CSTPP1: variants seen among roughly 807,000 people sequenced by gnomAD.
CSTPP1 encodes the protein centriolar satellite-associated tubulin polyglutamylase complex regulator 1, also known as UPF0705 protein C11orf49.
the CSTPP1 span, among the ~76,000 whole-genome samples, chr11:47,016,387 C>A: frequency 3.3e-5 from 3 of 89,910 alleles, no homozygotes; most frequent in Non-Finnish European, 4.6e-5. Flanking sequence ...CCTATGGAAT[C>A]TACAAAAAAC....
chr11:46,942,002 C>G, the CSTPP1 span, among the ~76,000 whole-genome samples: 3 of 152,158 alleles, frequency 2.0e-5, no homozygotes, highest in Non-Finnish European at 4.4e-5. Flanking sequence ...ATTTACCTTT[C>G]TGACTATTAG....
the CSTPP1 span, among the ~76,000 whole-genome samples, chr11:46,965,977 A>G: frequency 2.6e-5 from 4 of 152,186 alleles, no homozygotes; most frequent in African/African-American, 9.6e-5. Flanking sequence ...CCAAATGTGT[A>G]TTTCATGATA....
the CSTPP1 span, chr11:46,987,218 T>A: frequency 6.2e-7 from 1 of 1,614,118 alleles, no homozygotes. Context: ...CTCAGCGACA[T>A]GTCCTCACCT....
the CSTPP1 span, among the ~76,000 whole-genome samples, chr11:46,944,251 G>T: frequency 7.3e-6 from 1 of 136,766 alleles, no homozygotes; most frequent in Non-Finnish European, 1.6e-5. Context: ...CCGGGAGGAG[G>T]AGGCTGCAGT....
At chr11:47,065,309 T>C in the CSTPP1 span, among the ~76,000 whole-genome samples, 1 of 151,034 alleles carries the variant, frequency 6.6e-6, no homozygotes, top group Admixed American at 6.6e-5. Flanking sequence ...TCAGTTTCTT[T>C]CAGCAATTTT....
At chr11:47,132,129 G>A in the CSTPP1 span, among the ~76,000 whole-genome samples, 1,139 of 152,266 alleles carry the variant, frequency 7.5e-3, 14 homozygotes, top group African/African-American at 0.026. Context: ...TACCTAGCAC[G>A]TAGGGGATTT....
chr11:47,161,008 T>C, the CSTPP1 span: 1 of 1,321,532 alleles, frequency 7.6e-7, no homozygotes, highest in Middle Eastern at 1.9e-4. Flanking sequence ...CTCAGATCTT[T>C]AGATCGGCCC....
At chr11:46,973,117 A>C in the CSTPP1 span, among the ~76,000 whole-genome samples, 1 of 152,202 alleles carries the variant, frequency 6.6e-6, no homozygotes, top group African/African-American at 2.4e-5. Flanking sequence ...GAGCAATACA[A>C]ATGTTTTTGT....
At chr11:46,983,788 G>A in the CSTPP1 span, among the ~76,000 whole-genome samples, 2 of 152,202 alleles carry the variant, frequency 1.3e-5, no homozygotes, top group African/African-American at 2.4e-5. Flanking sequence ...ACTGATAAGA[G>A]CTGCAGGTGA....
chr11:47,076,960 G>A, the CSTPP1 span, among the ~76,000 whole-genome samples: 5 of 50,932 alleles, frequency 9.8e-5, no homozygotes, highest in South Asian at 1.3e-3. Context: ...TAGAAAACAG[G>A]AGGAAAAAAA....
the CSTPP1 span, among the ~76,000 whole-genome samples, chr11:46,951,731 A>G: frequency 2.0e-5 from 3 of 152,196 alleles, no homozygotes; most frequent in South Asian, 6.2e-4. Context: ...GCATGAGAAG[A>G]AATGGTGGCT....
chr11:47,103,287 C>T, the CSTPP1 span, among the ~76,000 whole-genome samples: 1 of 151,850 alleles, frequency 6.6e-6, no homozygotes, highest in South Asian at 2.1e-4. Flanking sequence ...GTAGTTCCAG[C>T]TACTCTGGAG....
chr11:47,090,211 C>T, the CSTPP1 span, among the ~76,000 whole-genome samples: 486 of 152,268 alleles, frequency 3.2e-3, 3 homozygotes, highest in African/African-American at 0.011. Flanking sequence ...TCTCGAACTC[C>T]CGACCTCAGG....
chr11:47,080,409 C>T, the CSTPP1 span, among the ~76,000 whole-genome samples: 3 of 152,178 alleles, frequency 2.0e-5, no homozygotes, highest in African/African-American at 7.2e-5. Context: ...GAGCCAAGAT[C>T]GTGCCACTGC....
the CSTPP1 span, chr11:47,154,425 G>A: frequency 6.6e-6 from 1 of 152,250 alleles, no homozygotes; most frequent in Non-Finnish European, 1.5e-5. Flanking sequence ...GATGAACATA[G>A]CCTTGGTCGG....
chr11:47,016,754 C>T, the CSTPP1 span, among the ~76,000 whole-genome samples: 642 of 151,108 alleles, frequency 4.2e-3, 1 homozygote, highest in Admixed American at 6.6e-3. Flanking sequence ...TGGATATGTT[C>T]ATTATCTTGA....
At chr11:47,055,217 G>A in the CSTPP1 span, among the ~76,000 whole-genome samples, 2 of 152,142 alleles carry the variant, frequency 1.3e-5, no homozygotes, top group South Asian at 4.2e-4. Flanking sequence ...ATAGGCGTGG[G>A]CTACCATGCC....
At chr11:47,113,243 T>A in the CSTPP1 span, among the ~76,000 whole-genome samples, 1 of 152,202 alleles carries the variant, frequency 6.6e-6, no homozygotes. Context: ...TCTATCATTG[T>A]TGGACATTTG....
the CSTPP1 span, among the ~76,000 whole-genome samples, chr11:46,949,922 C>A: frequency 3.9e-5 from 6 of 152,142 alleles, no homozygotes; most frequent in Admixed American, 2.0e-4. Context: ...ATCCTCCCGC[C>A]TCGGCCTCCC....
Sources: gnomAD v4.1 joint callset for allele counts (sites outside exome capture counted in the v4.1 genomes callset) on GRCh38, gnomAD v4.1.1 for gene constraint, MANE v1.5 for transcripts, NCBI Gene and HGNC (gene_info 2026-07-23, HGNC 2026-07-21) for gene names.